GUF1: variants seen among roughly 807,000 people sequenced by gnomAD.
GUF1 encodes the protein GTP binding elongation factor GUF1.
Under a neutral mutation model 82.4 loss-of-function variants are expected in GUF1, and 78 were observed. That is an observed-to-expected ratio of 0.95 (90% CI 0.79 to 1.14). The LOEUF (loss-of-function observed/expected upper bound fraction) is 1.14, where lower values mean the gene tolerates loss of function less well. Ranked by LOEUF, GUF1 falls within the 50% of genes most tolerant of loss-of-function variation. The pLI, the probability that GUF1 is intolerant of heterozygous loss-of-function variation, is 0.00. For synonymous variants in GUF1, 279 were observed against 282.3 expected, an observed-to-expected ratio of 0.99 and a Z score of 0.12; for missense variants, 814 against 798.2, an observed-to-expected ratio of 1.02 and a Z score of -0.24.
At position 44,690,770 on chromosome 4, in the gene GUF1, A is replaced by G. The variant is rs1176141948; in HGVS notation, c.1389A>G (p.Lys463=). Reference sequence around the variant, plus strand: ...TCAATCCTGCACAATTCCCCGATAAATCAAAAGTAACAGAATATTTGGAGC... The same window carrying G: ...TCAATCCTGCACAATTCCCCGATAAGTCAAAAGTAACAGAATATTTGGAGC... ...TIINPAQFPD[K]SKVTEYLEPV... The change falls in exon 12 of 17, where the codon AAA becomes AAG. Residue 463 remains lysine (K), a synonymous_variant. Transcript: ENST00000281543. 6.3e-7 allele frequency: 1 copy of G among 1,598,604 alleles called. No homozygotes were observed. Among genetic ancestry groups the G allele is most frequent in the South Asian group, 1.1e-5 (1 of 90,310 alleles).
In GUF1 at chr4:44,683,264, G is replaced by T; in HGVS notation, c.615G>T (p.Arg205Ser). 1 of 1,586,066 alleles carries T rather than the reference G, an allele frequency of 6.3e-7. No homozygotes were observed. The highest frequency in any genetic ancestry group is 8.6e-7 in the Non-Finnish European group (1 of 1,167,310). Residue 205 changes from arginine to serine, a missense_variant, in exon 6 of 17, where the codon AGG becomes AGT. By Grantham distance (110) the Arg-to-Ser change is moderately radical. Transcript: ENST00000281543. Reference protein sequence around the residue: ...KIDLKNADPERVENQIEKVFD... With the variant: ...KIDLKNADPESVENQIEKVFD... ...ATCTGAAGAATGCTGATCCTGAAAGGGTTGAAAACCAAATTGAGAAAGTGT... is the reference window on the plus strand; with the variant it reads ...ATCTGAAGAATGCTGATCCTGAAAGTGTTGAAAACCAAATTGAGAAAGTGT...
At chr4:44,685,101 T>C (rs1553875705) in intron 6 of GUF1, among the ~76,000 whole-genome samples, 1 of 152,148 alleles carries the variant, frequency 6.6e-6, no homozygotes, top group Non-Finnish European at 1.5e-5. Context: ...GTGAAGCTGA[T>C]GGACAGCATC....
intron 1 of GUF1, 73 bp downstream of exon 1, chr4:44,678,860 A>G (rs551062891): frequency 1.7e-5 from 25 of 1,431,084 alleles, no homozygotes; most frequent in African/African-American, 1.5e-4. Context: ...TTGGACATGT[A>G]TAGGGCTTTC....
At position 44,689,960 on chromosome 4, in the gene GUF1, A is replaced by G. The variant is rs145330201; in HGVS notation, c.1320A>G (p.Ser440=). 15 of 1,573,976 alleles carry G rather than the reference A, an allele frequency of 9.5e-6. No homozygotes were observed. The highest frequency in any genetic ancestry group is 1.7e-4 in the Middle Eastern group (1 of 5,910). ...TTCCATATAAAGCTGTACTGTCATC[A>G]TCAAAATTGATAAAGGTACTTGGTA... ...PTVPYKAVLS[S]SKLIKEHREK... The change falls in exon 11 of 17, where the codon TCA becomes TCG. Residue 440 remains serine (S), a synonymous_variant. Coordinates refer to ENST00000281543, the MANE Select transcript of GUF1 (RefSeq NM_021927.3).
chr4:44,683,010 C>A (rs1226262092), intron 5 of GUF1, among the ~76,000 whole-genome samples: 1 of 151,680 alleles, frequency 6.6e-6, no homozygotes, highest in Non-Finnish European at 1.5e-5. Flanking sequence ...GGGTAGCTAA[C>A]TGCTTAAGTT....
intron 14 of GUF1, 45 bp downstream of exon 14, chr4:44,694,558 A>G: frequency 8.5e-7 from 1 of 1,171,146 alleles, no homozygotes; most frequent in Non-Finnish European, 1.2e-6. Context: ...AATACTTTTG[A>G]TATGTTTTTC....
At chr4:44,683,087 T>C (rs1714857597) in intron 5 of GUF1, 148 bp from the exon 6 acceptor site, 1 of 508,994 alleles carries the variant, frequency 2.0e-6, no homozygotes, top group Non-Finnish European at 3.4e-6. Context: ...ACTGCTAATA[T>C]ATAGATTATT....
chr4:44,680,846 A>T lies in GUF1; in HGVS notation c.426+4A>T. 6.3e-7 allele frequency: 1 copy of T among 1,597,094 alleles called. No individual in the cohort carries two copies. The highest frequency in any genetic ancestry group is 8.5e-7 in the Non-Finnish European group (1 of 1,170,686). On this transcript the variant is annotated splice_donor_region_variant and intron_variant, in intron 3 of 16. Transcript: ENST00000281543. ...TTTAAATCTCATTGATACACCGGTA[A>T]GTTTAATATTAATTTTGCATGTATT...
rs939670752 is a variant in GUF1, at chr4:44,679,138, T to A, written c.165+351T>A. On this transcript the variant is annotated intron_variant, in intron 1 of 16. Transcript: ENST00000281543. ...AATATTAATATAACGTCCATTTTCC[T>A]GCAAATTAAGTAGCTATGTGGCCTG... is the stretch of plus-strand genomic sequence containing the variant. 5.3e-5 allele frequency among the ~76,000 whole-genome samples: 8 copies of A among 152,230 alleles called. No homozygotes were observed. In the South Asian group the frequency reaches 6.2e-4, roughly 12 times the overall value.
intron 4 of GUF1, 144 bp from the exon 5 acceptor site, chr4:44,682,190 G>C: frequency 2.3e-6 from 1 of 430,456 alleles, no homozygotes; most frequent in Non-Finnish European, 4.3e-6. Context: ...AGCATGAAGG[G>C]TAGCTACATG....
chr4:44,691,864 A>G (rs1207058527), intron 13 of GUF1, 65 bp downstream of exon 13: 7 of 1,068,336 alleles, frequency 6.6e-6, no homozygotes, highest in Non-Finnish European at 9.3e-6. Flanking sequence ...GAGCAAGGGT[A>G]TACTAATTCT....
chr4:44,680,421 G>A lies in GUF1; in HGVS notation c.166-20G>A. 8.5e-7 allele frequency: 1 copy of A among 1,170,880 alleles called. No homozygotes were observed. Among genetic ancestry groups the A allele is most frequent in the South Asian group, 1.3e-5 (1 of 76,218 alleles). 72.5% of individuals were successfully genotyped at this position (1,170,880 alleles called of 1,614,324 possible). The stretch of plus-strand genomic sequence containing the variant: ...GTATGCCAAATTTATACTCCTAAAT[G>A]TGGTATTTCCCCTTTCTAGGAAAAA... On this transcript the variant is annotated intron_variant, in intron 1 of 16. Coordinates refer to ENST00000281543, the MANE Select transcript of GUF1 (RefSeq NM_021927.3).
chr4:44,686,382 TTTTTA>T (rs1280499654), intron 7 of GUF1, 123 bp from the exon 8 acceptor site: 1 of 523,334 alleles, frequency 1.9e-6, no homozygotes, highest in African/African-American at 1.9e-5. Context: ...TAAAAAGGTC[TTTTTA>T]TTTAGGCTGT....
chr4:44,685,952 T>G lies in GUF1; in HGVS notation c.670-7T>G. ...AATGCTTATATTTTTCACATGTATC[T>G]TTTTAGATTTCTGCTAAACTTGGAA... On this transcript the variant is annotated splice_region_variant and splice_polypyrimidine_tract_variant and intron_variant, in intron 6 of 16. Transcript: ENST00000281543. The G allele has an allele frequency of 6.3e-7, 1 of 1,583,610 alleles. No individual in the cohort carries two copies.
chr4:44,695,547 C>A, intron 14 of GUF1, 68 bp from the exon 15 acceptor site: 2 of 1,383,020 alleles, frequency 1.4e-6, no homozygotes, highest in Non-Finnish European at 2.0e-6. Context: ...GATTATGCAA[C>A]TGGCCTAGAA....
chr4:44,681,881 T>A (rs1414085598), intron 4 of GUF1, among the ~76,000 whole-genome samples: 12 of 152,130 alleles, frequency 7.9e-5, no homozygotes, highest in Non-Finnish European at 1.5e-5. Flanking sequence ...TGTTCTCTAA[T>A]AAGCTTTGAG....
At chr4:44,680,352 A>G (rs773981168) in intron 1 of GUF1, 89 bp from the exon 2 acceptor site, 127 of 601,720 alleles carry the variant, frequency 2.1e-4, no homozygotes, top group Non-Finnish European at 1.0e-4. Flanking sequence ...GATATTGTTC[A>G]ACGATTAAAA....
intron 8 of GUF1, 103 bp from the exon 9 acceptor site, chr4:44,687,904 T>C (rs1277038929): frequency 1.8e-5 from 18 of 1,008,024 alleles, no homozygotes. Flanking sequence ...GTATGGAAAG[T>C]TTGGAAAGTG....
At chr4:44,684,614 C>A (rs1365362300) in intron 6 of GUF1, among the ~76,000 whole-genome samples, 3 of 151,970 alleles carry the variant, frequency 2.0e-5, no homozygotes, top group Non-Finnish European at 2.9e-5. Context: ...TTAATGGTAG[C>A]CCAGATGTGA....
Sources: allele counts gnomAD v4.1 joint callset (sites outside exome capture counted in the v4.1 genomes callset), GRCh38; gene constraint gnomAD v4.1.1; transcripts MANE v1.5; gene names NCBI Gene and HGNC (gene_info 2026-07-23, HGNC 2026-07-21).